The following RYR3 variants were observed in gnomAD, a reference collection of about 807,000 sequenced individuals.
RYR3 encodes ryanodine receptor 3, also known as brain ryanodine receptor-calcium release channel.
Under a neutral mutation model 584.3 loss-of-function variants are expected in RYR3, and 207 were observed. That is an observed-to-expected ratio of 0.35 (90% CI 0.32 to 0.40). The LOEUF is 0.40. Ranked by LOEUF, RYR3 falls within the 10% of genes least tolerant of loss-of-function variation. RYR3 has a pLI of 1.00. For synonymous variants in RYR3, 2,416 were observed against 2,248.5 expected (o/e 1.07, Z -2.11); for missense variants, 5,616 against 6,089.2 (o/e 0.92, Z 2.59).
At position 33,810,851 on chromosome 15, in the gene RYR3, T is replaced by C. The variant is rs562332118; in HGVS notation, c.10198-127T>C. ...CCCTTTGGGACAAATCTCCGGAATA[T>C]TTTTTCTTTTGTTCTTCTGATAAAG... On this transcript the variant is annotated intron_variant, in intron 71 of 103. Coordinates refer to ENST00000634891, the MANE Select transcript of RYR3 (RefSeq NM_001036.6). The C allele has an allele frequency of 2.0e-4, 222 of 1,104,264 alleles. No homozygotes were observed. The African/African-American group carries it at 3.2e-3, about 16-fold the overall frequency. 68.4% of individuals were successfully genotyped at this position (1,104,264 alleles called of 1,614,324 possible). A position where few individuals can be genotyped will look rare whatever the true frequency, so the allele number is the denominator to read the frequency against.
chr15:33,365,219 T>C lies in RYR3; in HGVS notation c.51+54123T>C, dbSNP rs891452872. 4.1e-4 allele frequency among the ~76,000 whole-genome samples: 63 copies of C among 152,214 alleles called. 1 individual carries two copies. Among genetic ancestry groups the C allele is most frequent in the South Asian group, 4.1e-4 (2 of 4,836 alleles). ...CCTCCTCCTTGGGGGCCACAGTGTT[T>C]ATCCATGTCCTGAGATTGGGAGGAT... is the stretch of plus-strand genomic sequence containing the variant. On this transcript the variant is annotated intron_variant, in intron 1 of 103. Coordinates refer to ENST00000634891, the MANE Select transcript of RYR3 (RefSeq NM_001036.6).
chr15:33,619,368 C>T (rs2152575655), intron 19 of RYR3, among the ~76,000 whole-genome samples: 2 of 152,128 alleles, frequency 1.3e-5, no homozygotes, highest in Middle Eastern at 3.4e-3. Flanking sequence ...TGGGTGATTC[C>T]ATGGAACTCA....
At position 33,838,773 on chromosome 15, in the gene RYR3, G is replaced by C. The variant is rs766392611; in HGVS notation, c.12793G>C (p.Val4265Leu). Residue 4265 changes from valine (V) to leucine (L), a missense_variant, in exon 89 of 104, where the codon GTA becomes CTA. By Grantham distance (32) the Val-to-Leu change is conservative. Transcript: ENST00000634891. ...GGAGCCAGGTATCACCACTGAACTA[G>C]TACACTTCATAAAGGGGGAGAAGGG... ...VMEPGITTELVHFIKGEKGDT... is the reference protein window; with the variant it reads ...VMEPGITTELLHFIKGEKGDT... 1 of 1,613,872 alleles carries C rather than the reference G, an allele frequency of 6.2e-7. No homozygotes were observed. The highest frequency in any genetic ancestry group is 1.1e-5 in the South Asian group (1 of 91,066).
chr15:33,747,419 C>CTT (rs397854038), intron 53 of RYR3, among the ~76,000 whole-genome samples: 140 of 71,922 alleles, frequency 1.9e-3, no homozygotes, highest in Middle Eastern at 0.014. Context: ...TGTTGTCACC[C>CTT]TTTTTTTTTT....
chr15:33,411,711 G>A (rs1297252904), intron 1 of RYR3, among the ~76,000 whole-genome samples: 3 of 152,236 alleles, frequency 2.0e-5, no homozygotes, highest in Non-Finnish European at 1.5e-5. Flanking sequence ...AATTTATGAG[G>A]GTATCTGAGG....
At chr15:33,465,659 C>G in intron 1 of RYR3, 1 of 511,752 alleles carries the variant, frequency 2.0e-6, no homozygotes, top group Non-Finnish European at 3.9e-6. Context: ...TTTTAAAAGA[C>G]TCTGGCTACT....
At chr15:33,417,271 G>T (rs113413233) in intron 1 of RYR3, among the ~76,000 whole-genome samples, 4,775 of 152,082 alleles carry the variant, frequency 0.031, 246 homozygotes, top group African/African-American at 0.11. Context: ...TTTGTAGATT[G>T]CTCTGGAAGT....
At chr15:33,378,427 G>T (rs748767970) in intron 1 of RYR3, among the ~76,000 whole-genome samples, 8 of 152,170 alleles carry the variant, frequency 5.3e-5, no homozygotes, top group Non-Finnish European at 1.2e-4. Flanking sequence ...ACTTAAAAGG[G>T]TTCCTCATCC....
intron 3 of RYR3, among the ~76,000 whole-genome samples, chr15:33,521,156 G>A (rs1054734918): frequency 3.9e-5 from 6 of 152,066 alleles, no homozygotes; most frequent in East Asian, 1.9e-4. Flanking sequence ...ATAGCATCTC[G>A]TTTGCAGTCT....
intron 3 of RYR3, among the ~76,000 whole-genome samples, chr15:33,510,721 T>A (rs1272168117): frequency 1.3e-5 from 2 of 152,228 alleles, no homozygotes; most frequent in South Asian, 4.1e-4. Context: ...AAATTAAATA[T>A]TATTATAAAT....
chr15:33,779,880 G>T (rs536480200), intron 64 of RYR3, among the ~76,000 whole-genome samples: 1 of 152,226 alleles, frequency 6.6e-6, no homozygotes, highest in South Asian at 2.1e-4. Flanking sequence ...GCATGGTGGT[G>T]GGCGCATGTA....
intron 72 of RYR3, among the ~76,000 whole-genome samples, chr15:33,811,896 A>G (rs547689466): frequency 2.0e-5 from 3 of 152,304 alleles, no homozygotes; most frequent in South Asian, 4.1e-4. Flanking sequence ...AACAACTCTT[A>G]CCTCAGATAC....
chr15:33,756,951 C>T (rs528658351), intron 59 of RYR3, among the ~76,000 whole-genome samples: 6 of 152,146 alleles, frequency 3.9e-5, no homozygotes, highest in South Asian at 4.1e-4. Context: ...CTGGGTGATA[C>T]GTTTTCTGCC....
intron 1 of RYR3, among the ~76,000 whole-genome samples, chr15:33,330,595 T>C: frequency 6.6e-6 from 1 of 152,210 alleles, no homozygotes; most frequent in East Asian, 1.9e-4. Context: ...ACTGCTTTTA[T>C]GAGTTGATTT....
intron 1 of RYR3, among the ~76,000 whole-genome samples, chr15:33,428,525 T>C (rs2596230): frequency 0.11 from 17,161 of 152,220 alleles, 1,014 homozygotes; most frequent in African/African-American, 0.15. Flanking sequence ...TTCTGGGTTT[T>C]CCTATATCCA....
At position 33,634,741 on chromosome 15, in the gene RYR3, G is replaced by C. The variant is rs1175600058; in HGVS notation, c.3175+8G>C. 1 of 1,613,320 alleles carries C rather than the reference G, an allele frequency of 6.2e-7. No individual in the cohort carries two copies. Among genetic ancestry groups the C allele is most frequent in the South Asian group, 1.1e-5 (1 of 91,026 alleles). On this transcript the variant is annotated splice_region_variant and intron_variant, in intron 25 of 103. Coordinates refer to ENST00000634891, the MANE Select transcript of RYR3 (RefSeq NM_001036.6). The stretch of plus-strand genomic sequence containing the variant: ...CATCAGACCAAGAACTAGGTAATGA[G>C]TTGAGAGTGTTTATTCTGGCCCCAG...
chr15:33,805,762 C>T (rs1235256191), intron 69 of RYR3, among the ~76,000 whole-genome samples: 7 of 152,154 alleles, frequency 4.6e-5, no homozygotes, highest in African/African-American at 1.4e-4. Context: ...CAGGCTTGAG[C>T]CACCACACCC....
At chr15:33,474,666 C>T (rs1026590807) in intron 2 of RYR3, among the ~76,000 whole-genome samples, 1 of 152,186 alleles carries the variant, frequency 6.6e-6, no homozygotes, top group Non-Finnish European at 1.5e-5. Flanking sequence ...ACCCTCTAAG[C>T]TCAGTTTTTC....
intron 1 of RYR3, among the ~76,000 whole-genome samples, chr15:33,389,800 C>A (rs183909237): frequency 1.3e-5 from 2 of 152,238 alleles, no homozygotes; most frequent in African/African-American, 4.8e-5. Flanking sequence ...TATTTAATAT[C>A]TTTTCACTGC....
Sources: allele counts gnomAD v4.1 joint callset (sites outside exome capture counted in the v4.1 genomes callset), GRCh38; gene constraint gnomAD v4.1.1; transcripts MANE v1.5; gene names NCBI Gene and HGNC (gene_info 2026-07-23, HGNC 2026-07-21).